FAT4: variants seen among roughly 807,000 people sequenced by gnomAD.
FAT4 encodes the protein FAT atypical cadherin 4.
Under a neutral mutation model 303.9 loss-of-function variants are expected in FAT4, and 84 were observed. That is an observed-to-expected ratio of 0.28 (90% CI 0.23 to 0.33). The LOEUF is 0.33. FAT4 is among the 10% of genes least tolerant of loss of function. The pLI is 1.00. For missense variants in FAT4, 6,005 were observed against 6,146.8 expected, an observed-to-expected ratio of 0.98 and a Z score of 0.77; for synonymous variants, 2,307 against 2,298.8, an observed-to-expected ratio of 1.00 and a Z score of -0.10.
intron 2 of FAT4, among the ~76,000 whole-genome samples, chr4:125,344,325 G>A (rs1731915617): frequency 6.6e-6 from 1 of 152,070 alleles, no homozygotes; most frequent in Admixed American, 6.6e-5. Flanking sequence ...CAATTTCCTA[G>A]TAATTAAACA....
chr4:125,373,305 G>A (rs967778937), intron 2 of FAT4, among the ~76,000 whole-genome samples: 9 of 152,146 alleles, frequency 5.9e-5, no homozygotes, highest in Admixed American at 4.6e-4. Flanking sequence ...AAGTTAATAT[G>A]AGGAATATTC....
intron 2 of FAT4, among the ~76,000 whole-genome samples, chr4:125,340,301 T>A (rs1394735636): frequency 6.6e-6 from 1 of 152,226 alleles, no homozygotes; most frequent in Non-Finnish European, 1.5e-5. Context: ...TCAGAAGATT[T>A]CATGAAAGTT....
chr4:125,410,493 C>A (rs149396470), intron 5 of FAT4, among the ~76,000 whole-genome samples: 126 of 152,210 alleles, frequency 8.3e-4, no homozygotes, highest in East Asian at 6.8e-3. Context: ...AGTTAGTCTA[C>A]CTATTCCATA....
chr4:125,434,194 T>G (rs1196379064), intron 7 of FAT4, 51 bp from the exon 8 acceptor site: 1 of 1,552,202 alleles, frequency 6.4e-7, no homozygotes, highest in Non-Finnish European at 8.7e-7. Context: ...TTTGTTAAAT[T>G]TGTTATTTTT....
At chr4:125,461,299 A>G (rs1726475184) in intron 10 of FAT4, among the ~76,000 whole-genome samples, 1 of 152,090 alleles carries the variant, frequency 6.6e-6, no homozygotes, top group Non-Finnish European at 1.5e-5. Flanking sequence ...ATTTAACTCA[A>G]GATTTATAAA....
In FAT4 at chr4:125,321,263, A is replaced by G. The variant is rs756635224; in HGVS notation, c.4852A>G (p.Thr1618Ala). 5 of 1,614,070 alleles carry G rather than the reference A, an allele frequency of 3.1e-6. No individual in the cohort carries two copies. Among genetic ancestry groups the G allele is most frequent in the South Asian group, 1.1e-5 (1 of 91,078 alleles). The change falls in exon 2 of 18, where the codon ACC becomes GCC. Residue 1618 changes from threonine to alanine, a missense_variant. Physicochemically the swap from Thr to Ala is moderately conservative, Grantham distance 58. Coordinates refer to ENST00000394329, the MANE Select transcript of FAT4 (RefSeq NM_001291303.3). ...AAGGAGGAAATCGACCACTGAATTG[A>G]CCATCATTCTTCAGGGCCTTGATGG... ...PERRKSTTELTIILQGLDGPV... is the reference protein window; with the variant it reads ...PERRKSTTELAIILQGLDGPV...
At chr4:125,405,743 C>G (rs1293689388) in intron 3 of FAT4, among the ~76,000 whole-genome samples, 5 of 151,906 alleles carry the variant, frequency 3.3e-5, no homozygotes, top group Non-Finnish European at 5.9e-5. Context: ...ACCTCATGAT[C>G]CGCCCACCTT....
chr4:125,316,867 C>T lies in FAT4; in HGVS notation c.456C>T (p.Arg152=). 6.2e-7 allele frequency: 1 copy of T among 1,614,090 alleles called. No homozygotes were observed. Among genetic ancestry groups the T allele is most frequent in the Non-Finnish European group, 8.5e-7 (1 of 1,180,040 alleles). The change falls in exon 2 of 18, where the codon CGC becomes CGT. Residue 152 remains arginine (R), a synonymous_variant. Transcript: ENST00000394329. The surrounding 1 kb of genome is among the most constrained non-coding windows in gnomAD (Gnocchi z 5.7). ...TCAAGGAAGACAGTAGCAGCGGACG[C>T]CAAGTCATCTTAGACACCGCCACCG... The part of the protein sequence containing the change: ...VTFKEDSSSG[R]QVILDTATDS...
At chr4:125,428,252 C>A (rs1725160756) in intron 7 of FAT4, among the ~76,000 whole-genome samples, 1 of 151,454 alleles carries the variant, frequency 6.6e-6, no homozygotes, top group Admixed American at 6.6e-5. Context: ...GAGCCGAGAT[C>A]ACACCGCTGC....
Position 125,411,450 on chromosome 4 carries a change from C to A in FAT4, c.5920+2656C>A, listed in dbSNP as rs529890322. 2.8e-3 allele frequency among the ~76,000 whole-genome samples: 423 copies of A among 151,850 alleles called. 2 individuals are homozygous for A. The highest frequency in any genetic ancestry group is 4.8e-3 in the Non-Finnish European group (326 of 67,800). On this transcript the variant is annotated intron_variant, in intron 5 of 17. Transcript: ENST00000394329. ...ATATTAAAATGTTTTGCTAATAATA[C>A]AATTGGAATTTTTGCTGAATAAATG...
At chr4:125,384,387 T>C (rs1051415434) in intron 2 of FAT4, among the ~76,000 whole-genome samples, 1 of 152,238 alleles carries the variant, frequency 6.6e-6, no homozygotes, top group East Asian at 1.9e-4. Context: ...ATTGTATTTT[T>C]AATTTTCATA....
chr4:125,408,623 C>T lies in FAT4; in HGVS notation c.5749C>T (p.Arg1917Ter), dbSNP rs1734718417. 3 of 1,612,136 alleles carry T rather than the reference C, an allele frequency of 1.9e-6. No homozygotes were observed. The highest frequency in any genetic ancestry group is 2.5e-6 in the Non-Finnish European group (3 of 1,178,868). Residue 1917 changes from arginine to a stop codon, truncating the protein, a stop_gained, in exon 5 of 18, where the codon CGA becomes TGA. Transcript: ENST00000394329. LOFTEE classifies it high-confidence loss of function. ...ACAGCAATATTATATCCTCACTGTT[C>T]GAGCAGAAGATGGTGGGGGACAATT... ...EVQQYYILTV[R>*]AEDGGGQFTT...
chr4:125,342,850 T>G (rs1290645884), intron 2 of FAT4, among the ~76,000 whole-genome samples: 1 of 152,068 alleles, frequency 6.6e-6, no homozygotes, highest in Admixed American at 6.5e-5. Context: ...CTTTTATTTC[T>G]TAGTTATTGC....
intron 2 of FAT4, among the ~76,000 whole-genome samples, chr4:125,361,456 T>C (rs1732665160): frequency 6.6e-6 from 1 of 152,158 alleles, no homozygotes; most frequent in Non-Finnish European, 1.5e-5. Flanking sequence ...TTGAGAAATA[T>C]AAAGTCATTG....
chr4:125,394,866 C>T (rs891725737), intron 2 of FAT4, among the ~76,000 whole-genome samples: 2 of 152,086 alleles, frequency 1.3e-5, no homozygotes, highest in Non-Finnish European at 2.9e-5. Context: ...GGGATGACTG[C>T]TTCTGTTTGT....
Position 125,317,897 on chromosome 4 carries a change from G to A in FAT4, c.1486G>A (p.Gly496Arg). 2 of 1,614,164 alleles carry A rather than the reference G, an allele frequency of 1.2e-6. No individual in the cohort carries two copies. The highest frequency in any genetic ancestry group is 1.7e-6 in the Non-Finnish European group (2 of 1,180,030). ...GGCGCCTCCGGGAAGCTATGTGAGT[G>A]GGATATCTGCCACTGATGGCGACTC... ...EEAPPGSYVS[G>R]ISATDGDSGL... Residue 496 changes from glycine to arginine, a missense_variant, in exon 2 of 18, where the codon GGG becomes AGG. By Grantham distance (125) the Gly-to-Arg change is moderately radical. Coordinates refer to ENST00000394329, the MANE Select transcript of FAT4 (RefSeq NM_001291303.3). The surrounding 1 kb of genome is among the most constrained non-coding windows in gnomAD (Gnocchi z 7.0).
At chr4:125,478,705 A>G (rs952971102) in intron 14 of FAT4, among the ~76,000 whole-genome samples, 1 of 151,810 alleles carries the variant, frequency 6.6e-6, no homozygotes, top group African/African-American at 2.4e-5. Flanking sequence ...TAATTTTTGT[A>G]TTTTTAGTAG....
At chr4:125,477,048 A>T in intron 13 of FAT4, 107 bp from the exon 14 acceptor site, 1 of 832,680 alleles carries the variant, frequency 1.2e-6, no homozygotes, top group Non-Finnish European at 1.7e-6. Context: ...TTATCACACT[A>T]TAATAAATGT....
intron 3 of FAT4, among the ~76,000 whole-genome samples, chr4:125,399,941 A>G (rs183009591): frequency 2.0e-5 from 3 of 152,052 alleles, no homozygotes; most frequent in African/African-American, 7.2e-5. Context: ...GATATGTGAT[A>G]TCATTAGCCA....
Sources: gnomAD v4.1 joint callset for allele counts (sites outside exome capture counted in the v4.1 genomes callset) on GRCh38, gnomAD v4.1.1 for gene constraint, Gnocchi (gnomAD v3.1) non-coding constraint, MANE v1.5 for transcripts, NCBI Gene and HGNC (gene_info 2026-07-23, HGNC 2026-07-21) for gene names.